The following MLLT10 variants were observed in gnomAD, a reference collection of about 807,000 sequenced individuals.
The protein encoded by MLLT10 is protein AF-10.
MLLT10 carries 30 observed loss-of-function variants against 129.1 expected under a neutral mutation model. The observed-to-expected ratio is 0.23, with a 90% CI of 0.17 to 0.32. MLLT10 has a LOEUF of 0.32. Among genes scored for constraint, MLLT10 ranks in the 10% least tolerant of loss-of-function variants. MLLT10 has a pLI of 1.00. For synonymous variants in MLLT10, 490 were observed against 446.4 expected (o/e 1.10, Z -1.23); for missense variants, 1,119 against 1,268.3 (o/e 0.88, Z 1.79).
In MLLT10 at chr10:21,743,343, G is replaced by GATAAC. The variant is rs1295567406; in HGVS notation, c.*1363_*1367dup. On this transcript the variant is annotated 3_prime_UTR_variant, in exon 23 of 23. Transcript: ENST00000307729. The stretch of plus-strand genomic sequence containing the variant: ...GTTTTGTATTGTGACAAATTCATAA[G>GATAAC]ATAACATTGATATTTTGATTTGTAA... The GATAAC allele has an allele frequency of 4.6e-6, 1 of 216,312 alleles. No homozygotes were observed. The highest frequency in any genetic ancestry group is 9.3e-6 in the Non-Finnish European group (1 of 107,320). 13.4% of individuals were successfully genotyped at this position (216,312 alleles called of 1,614,324 possible). A position where few individuals can be genotyped will look rare whatever the true frequency, so the allele number is the denominator to read the frequency against.
chr10:21,600,243 G>A (rs192612249), intron 5 of MLLT10, among the ~76,000 whole-genome samples: 2 of 152,092 alleles, frequency 1.3e-5, no homozygotes, highest in Admixed American at 6.5e-5. Flanking sequence ...ATATTATCAT[G>A]TATTTATTTT....
chr10:21,621,289 G>C (rs1350764467), intron 8 of MLLT10, among the ~76,000 whole-genome samples: 1 of 140,856 alleles, frequency 7.1e-6, no homozygotes, highest in African/African-American at 2.7e-5. Context: ...CTGTTGCCTA[G>C]GCTGGAGTGC....
At chr10:21,665,074 T>A (rs2050629119) in intron 9 of MLLT10, among the ~76,000 whole-genome samples, 2 of 151,334 alleles carry the variant, frequency 1.3e-5, no homozygotes, top group Admixed American at 6.6e-5. Flanking sequence ...GACTTCCAAG[T>A]AGCTGGGATT....
At chr10:21,717,819 TCTCCTCCTTCTCCTCCTCCTTCTC>T (rs1164969694) in intron 14 of MLLT10, among the ~76,000 whole-genome samples, 4 of 107,216 alleles carry the variant, frequency 3.7e-5, no homozygotes, top group African/African-American at 1.2e-4. Flanking sequence ...TTCTCCTTCT[TCTCCTCCTTCTCCTCCTCCTTCTC>T]CTCCTCCTTC....
chr10:21,671,197 T>C (rs2051364181), intron 10 of MLLT10, among the ~76,000 whole-genome samples: 1 of 152,120 alleles, frequency 6.6e-6, no homozygotes, highest in African/African-American at 2.4e-5. Flanking sequence ...TTTTGTATTT[T>C]AGTAGAGATG....
intron 13 of MLLT10, among the ~76,000 whole-genome samples, chr10:21,712,035 T>G (rs1179149322): frequency 6.6e-6 from 1 of 152,190 alleles, no homozygotes; most frequent in African/African-American, 2.4e-5. Flanking sequence ...GTTTGCAGAA[T>G]GAATGCATTG....
At chr10:21,731,142 G>T (rs762343018) in intron 17 of MLLT10, 88 bp downstream of exon 17, 146 of 1,179,426 alleles carry the variant, frequency 1.2e-4, no homozygotes, top group Non-Finnish European at 1.7e-4. Flanking sequence ...TTTTCATCCA[G>T]AGTAGTAATG....
intron 14 of MLLT10, among the ~76,000 whole-genome samples, chr10:21,717,278 T>C (rs1437025415): frequency 2.4e-5 from 2 of 84,398 alleles, no homozygotes; most frequent in Admixed American, 1.1e-4. Flanking sequence ...AAAAAAAAAA[T>C]TGTTCCCTGG....
Position 21,595,356 on chromosome 10 carries a change from GTAT to G in MLLT10, c.322_324del (p.Tyr108del), listed in dbSNP as rs780761298. ...GTTGGGCCCATGTGGTTTGTGCCCT[GTAT>G]ATTCCAGAGGTACAATTTGCCAATG... On this transcript the variant is annotated inframe_deletion, in exon 5 of 23. Transcript: ENST00000307729. The G allele has an allele frequency of 6.2e-7, 1 of 1,613,652 alleles. No individual in the cohort carries two copies. Among genetic ancestry groups the G allele is most frequent in the Admixed American group, 1.7e-5 (1 of 60,012 alleles).
At chr10:21,539,515 T>TTTGG (rs2034709392) in intron 3 of MLLT10, among the ~76,000 whole-genome samples, 2 of 151,874 alleles carry the variant, frequency 1.3e-5, no homozygotes, top group Admixed American at 6.6e-5. Context: ...GGTTCACACC[T>TTTGG]GTAATCCCAG....
rs1564728782 is a variant in MLLT10 at position 21,726,344 on chromosome 10, ACAAT to A, written c.1983_1986del (p.Asn661LysfsTer13). On this transcript the variant is annotated frameshift_variant, in exon 15 of 23. Coordinates refer to ENST00000307729, the MANE Select transcript of MLLT10 (RefSeq NM_001195626.3). LOFTEE classifies it high-confidence loss of function. Reference sequence around the variant, plus strand: ...GCAGCTCTTATAGCTCAGTCTGAAAACAATCAAACAGGTAAGTTTTCAAGAATTA... The same window carrying A: ...GCAGCTCTTATAGCTCAGTCTGAAAACAAACAGGTAAGTTTTCAAGAATTA... The A allele has an allele frequency of 6.2e-7, 1 of 1,607,212 alleles. No individual in the cohort carries two copies. The highest frequency in any genetic ancestry group is 1.3e-5 in the African/African-American group (1 of 74,758).
At chr10:21,546,869 A>G (rs1485714005) in intron 3 of MLLT10, among the ~76,000 whole-genome samples, 4 of 152,092 alleles carry the variant, frequency 2.6e-5, no homozygotes, top group Non-Finnish European at 5.9e-5. Context: ...CTGGGATTAC[A>G]GGCATGCGCC....
intron 9 of MLLT10, among the ~76,000 whole-genome samples, chr10:21,658,514 T>G (rs1477352773): frequency 6.6e-6 from 1 of 152,238 alleles, no homozygotes; most frequent in Non-Finnish European, 1.5e-5. Flanking sequence ...TGATGGACAT[T>G]CAGGTTGTTT....
At chr10:21,619,637 T>C (rs1406620550) in intron 8 of MLLT10, among the ~76,000 whole-genome samples, 1 of 152,216 alleles carries the variant, frequency 6.6e-6, no homozygotes, top group Non-Finnish European at 1.5e-5. Context: ...ATTTTACTTT[T>C]CGCATATATA....
chr10:21,534,365 G>C lies in MLLT10; in HGVS notation c.-156G>C, dbSNP rs2033389820. 1 of 383,002 alleles carries C rather than the reference G, an allele frequency of 2.6e-6. No homozygotes were observed. Among genetic ancestry groups the C allele is most frequent in the Non-Finnish European group, 4.8e-6 (1 of 208,528 alleles). The allele number at this position is 383,002 out of a possible 1,614,324, so 23.7% of individuals were successfully genotyped here. Reference sequence around the variant, plus strand: ...CCTCTTGATTATGTGTGCCCTCTCCGGGCGCCCGCGTTAGCGGCCGGGTGG... The same window carrying C: ...CCTCTTGATTATGTGTGCCCTCTCCCGGCGCCCGCGTTAGCGGCCGGGTGG... On this transcript the variant is annotated 5_prime_UTR_variant, in exon 1 of 23. Transcript: ENST00000307729.
At chr10:21,701,507 C>T (rs1054827365) in intron 13 of MLLT10, among the ~76,000 whole-genome samples, 4 of 151,790 alleles carry the variant, frequency 2.6e-5, no homozygotes, top group East Asian at 1.9e-4. Context: ...TGGCATGTTG[C>T]GTTTCCATTT....
intron 3 of MLLT10, among the ~76,000 whole-genome samples, chr10:21,577,803 C>T (rs2040946632): frequency 6.6e-6 from 1 of 151,976 alleles, no homozygotes. Context: ...CATCTCTTTG[C>T]CAACATTTTT....
chr10:21,733,873 C>A lies in MLLT10; in HGVS notation c.2602C>A (p.Gln868Lys), dbSNP rs1303141072. The change falls in exon 20 of 23, where the codon CAG becomes AAG. Residue 868 changes from glutamine (Q) to lysine (K), a missense_variant. This residue lies in a region of MLLT10 where 1,004 missense variants were observed against 1,008.7 expected (regional missense o/e 1.00). Coordinates refer to ENST00000307729, the MANE Select transcript of MLLT10 (RefSeq NM_001195626.3). ...AQQGSGVSGV[Q>K]QVNGVTVGAL... ...ACAAGGCTCAGGAGTGAGTGGAGTT[C>A]AGCAGGTCAATGGCGTGACAGTGGG... The A allele has an allele frequency of 1.2e-6, 2 of 1,614,050 alleles. No homozygotes were observed. Among genetic ancestry groups the A allele is most frequent in the Non-Finnish European group, 1.7e-6 (2 of 1,180,034 alleles).
At chr10:21,609,634 C>T (rs2044395487) in intron 5 of MLLT10, among the ~76,000 whole-genome samples, 1 of 152,162 alleles carries the variant, frequency 6.6e-6, no homozygotes, top group African/African-American at 2.4e-5. Flanking sequence ...TTCTCTAGTT[C>T]ACTCTGTTAA....
Sources: gnomAD v4.1 joint callset for allele counts (sites outside exome capture counted in the v4.1 genomes callset) on GRCh38, gnomAD v4.1.1 for gene constraint, gnomAD v4.1.1 regional missense constraint, MANE v1.5 for transcripts, NCBI Gene and HGNC (gene_info 2026-07-23, HGNC 2026-07-21) for gene names.